Variants in PTPRQ observed in about 807,000 individuals in gnomAD.
The protein encoded by PTPRQ is protein tyrosine phosphatase receptor type Q.
In PTPRQ, 199 loss-of-function variants were observed where a neutral mutation model predicts 246.0. The observed-to-expected ratio is 0.81, with a 90% CI of 0.72 to 0.91. The LOEUF (loss-of-function observed/expected upper bound fraction) is 0.91. PTPRQ is among the 40% of genes least tolerant of loss of function. The pLI, the probability that PTPRQ is intolerant of heterozygous loss-of-function variation, is 0.00. For synonymous variants in PTPRQ, 869 were observed against 853.2 expected (o/e 1.02, Z -0.32); for missense variants, 2,624 against 2,528.4 (o/e 1.04, Z -0.81).
In PTPRQ at chr12:80,673,559, C is replaced by A. The variant is rs1163297; in HGVS notation, c.6738+255C>A. 0.5 allele frequency among the ~76,000 whole-genome samples: 76,478 copies of A among 151,920 alleles called. 21,844 individuals are homozygous for A. Among genetic ancestry groups the A allele is most frequent in the African/African-American group, 0.79 (32,960 of 41,464 alleles). Reference sequence around the variant, plus strand: ...CTTGTTATACTGATAGGCATGTAGGCAGTAACATAAAATTGATTTATCTTT... The same window carrying A: ...CTTGTTATACTGATAGGCATGTAGGAAGTAACATAAAATTGATTTATCTTT... On this transcript the variant is annotated intron_variant, in intron 43 of 44. Transcript: ENST00000644991.
At chr12:80,450,119 A>G (rs1441669863) in intron 3 of PTPRQ, among the ~76,000 whole-genome samples, 1 of 151,768 alleles carries the variant, frequency 6.6e-6, no homozygotes, top group Non-Finnish European at 1.5e-5. Context: ...ATTCCTAGGT[A>G]TTTTATTCTC....
At chr12:80,646,926 G>T (rs1444773322) in intron 35 of PTPRQ, among the ~76,000 whole-genome samples, 2 of 152,120 alleles carry the variant, frequency 1.3e-5, no homozygotes, top group African/African-American at 4.8e-5. Context: ...TTAAAGAAGA[G>T]CAATAATATG....
intron 28 of PTPRQ, among the ~76,000 whole-genome samples, chr12:80,612,061 T>C (rs1898572667): frequency 6.6e-6 from 1 of 150,406 alleles, no homozygotes; most frequent in Non-Finnish European, 1.5e-5. Flanking sequence ...TCATGGAAAT[T>C]CTTTACTTAG....
At chr12:80,667,597 A>T (rs1900826962) in intron 39 of PTPRQ, among the ~76,000 whole-genome samples, 1 of 151,748 alleles carries the variant, frequency 6.6e-6, no homozygotes, top group Non-Finnish European at 1.5e-5. Context: ...TCAGTGATGA[A>T]CCCCCAGCTC....
chr12:80,598,413 C>T (rs761941794), intron 26 of PTPRQ, among the ~76,000 whole-genome samples: 1 of 151,956 alleles, frequency 6.6e-6, no homozygotes, highest in Non-Finnish European at 1.5e-5. Context: ...TCCTGAGATA[C>T]TCTTGCTGTG....
At chr12:80,639,608 A>G (rs1899782684) in intron 35 of PTPRQ, among the ~76,000 whole-genome samples, 1 of 152,210 alleles carries the variant, frequency 6.6e-6, no homozygotes, top group Non-Finnish European at 1.5e-5. Flanking sequence ...TTCTTCAGTA[A>G]CTTCAGAAGT....
At chr12:80,454,672 A>G in intron 3 of PTPRQ, 1 of 604,766 alleles carries the variant, frequency 1.7e-6, no homozygotes, top group Non-Finnish European at 2.9e-6. Context: ...GGTTTTTATC[A>G]TGAAGGGATA....
chr12:80,462,372 T>A (rs1893219584), intron 6 of PTPRQ: 1 of 192,482 alleles, frequency 5.2e-6, no homozygotes, highest in Admixed American at 6.0e-5. Flanking sequence ...AAGCTCCAAC[T>A]GGGTGGAGCC....
intron 25 of PTPRQ, among the ~76,000 whole-genome samples, chr12:80,571,268 C>G (rs1465826735): frequency 2.0e-5 from 3 of 152,140 alleles, no homozygotes; most frequent in Non-Finnish European, 4.4e-5. Flanking sequence ...CCTCAGCCTC[C>G]TGAGTAGCTG....
intron 8 of PTPRQ, among the ~76,000 whole-genome samples, chr12:80,479,009 T>G (rs1893930117): frequency 6.6e-6 from 1 of 151,716 alleles, no homozygotes; most frequent in Non-Finnish European, 1.5e-5. Context: ...ACGTTCAGAT[T>G]CAGGAAATAC....
chr12:80,553,546 A>G (rs1896549951), intron 25 of PTPRQ, among the ~76,000 whole-genome samples: 1 of 152,166 alleles, frequency 6.6e-6, no homozygotes, highest in Non-Finnish European at 1.5e-5. Context: ...GTGAAATCAA[A>G]TTTGGCTCAC....
intron 28 of PTPRQ, among the ~76,000 whole-genome samples, chr12:80,613,281 G>T (rs1898622489): frequency 6.6e-6 from 1 of 150,576 alleles, no homozygotes; most frequent in Admixed American, 6.6e-5. Context: ...TCATGCCATT[G>T]CACTCCAGTC....
chr12:80,535,935 G>A (rs1021804210), intron 19 of PTPRQ, among the ~76,000 whole-genome samples: 1 of 152,028 alleles, frequency 6.6e-6, no homozygotes, highest in Non-Finnish European at 1.5e-5. Flanking sequence ...GTGAAACCCC[G>A]TCTCTACTAA....
chr12:80,627,364 A>C (rs1329348677), intron 33 of PTPRQ, among the ~76,000 whole-genome samples: 1 of 148,290 alleles, frequency 6.7e-6, no homozygotes, highest in Non-Finnish European at 1.5e-5. Flanking sequence ...AATAATAATA[A>C]TAATAATAAT....
intron 35 of PTPRQ, among the ~76,000 whole-genome samples, chr12:80,640,026 G>A (rs1039132004): frequency 1.8e-5 from 1 of 56,528 alleles, no homozygotes; most frequent in Non-Finnish European, 3.0e-5. Flanking sequence ...GAAGATACAC[G>A]TGTGTGTGTG....
chr12:80,562,916 C>G (rs1896869728), intron 25 of PTPRQ, among the ~76,000 whole-genome samples: 1 of 151,716 alleles, frequency 6.6e-6, no homozygotes, highest in Non-Finnish European at 1.5e-5. Context: ...AAGAATGAAA[C>G]AAGTGCAGAC....
intron 9 of PTPRQ, among the ~76,000 whole-genome samples, chr12:80,488,580 C>T (rs981615086): frequency 6.6e-6 from 1 of 151,934 alleles, no homozygotes; most frequent in African/African-American, 2.4e-5. Context: ...GAACTGAAAA[C>T]AGGAGTGGTT....
intron 34 of PTPRQ, among the ~76,000 whole-genome samples, chr12:80,633,626 C>T (rs1441573644): frequency 2.0e-5 from 3 of 152,228 alleles, no homozygotes; most frequent in Admixed American, 6.5e-5. Context: ...TATGGTTCAT[C>T]TTGACTCTCT....
At chr12:80,537,167 T>A (rs551682871) in intron 19 of PTPRQ, among the ~76,000 whole-genome samples, 1 of 152,342 alleles carries the variant, frequency 6.6e-6, no homozygotes, top group African/African-American at 2.4e-5. Flanking sequence ...AGAAGTATAG[T>A]CTCATATTGC....
Sources: allele counts gnomAD v4.1 joint callset (sites outside exome capture counted in the v4.1 genomes callset), GRCh38; gene constraint gnomAD v4.1.1; transcripts MANE v1.5; gene names NCBI Gene and HGNC (gene_info 2026-07-23, HGNC 2026-07-21).